The following ANKRD30B variants were observed in gnomAD, a reference collection of about 807,000 sequenced individuals.
The protein encoded by ANKRD30B is ankyrin repeat domain 30B, also known as ankyrin repeat domain-containing protein 30B.
In ANKRD30B, 144 loss-of-function variants were observed where a neutral mutation model predicts 202.2. The observed-to-expected ratio is 0.71, with a 90% CI of 0.62 to 0.82. ANKRD30B has a LOEUF of 0.82. Among genes scored for constraint, ANKRD30B ranks in the 40% least tolerant of loss-of-function variants. The pLI is 0.00. For missense variants in ANKRD30B, 1,487 were observed against 1,669.1 expected, an observed-to-expected ratio of 0.89 and a Z score of 1.90; for synonymous variants, 508 against 561.3, an observed-to-expected ratio of 0.91 and a Z score of 1.34.
the ANKRD30B span, among the ~76,000 whole-genome samples, chr18:14,926,376 C>T: frequency 4.6e-5 from 7 of 152,338 alleles, no homozygotes; most frequent in African/African-American, 1.7e-4. Context: ...TGGCTCCAGC[C>T]TGGGATTTGC....
chr18:14,760,541 T>G lies in ANKRD30B; in HGVS notation c.756-13T>G. The G allele has an allele frequency of 7.4e-7, 1 of 1,354,524 alleles. No individual in the cohort carries two copies. The highest frequency in any genetic ancestry group is 1.0e-6 in the Non-Finnish European group (1 of 989,956). 83.9% of individuals were successfully genotyped at this position (1,354,524 alleles called of 1,614,324 possible). On this transcript the variant is annotated splice_polypyrimidine_tract_variant and intron_variant, in intron 5 of 43. Coordinates refer to ENST00000690538, the MANE Select transcript of ANKRD30B (RefSeq NM_001367607.2). ...TAAAATAGTAATTTTATTTATTACA[T>G]TTTTATACATAGCATTCATCAACAA... is the stretch of plus-strand genomic sequence containing the variant.
chr18:14,899,825 T>C, the ANKRD30B span, among the ~76,000 whole-genome samples: 2 of 152,162 alleles, frequency 1.3e-5, no homozygotes, highest in Admixed American at 1.3e-4. Flanking sequence ...TCATTGTTCT[T>C]TATACTTTCT....
the ANKRD30B span, among the ~76,000 whole-genome samples, chr18:14,906,452 A>C: frequency 2.0e-5 from 3 of 152,206 alleles, no homozygotes; most frequent in African/African-American, 7.2e-5. Context: ...TTATTAAATA[A>C]ATTATGAAAA....
chr18:14,835,016 G>A (rs1262573926), intron 34 of ANKRD30B, among the ~76,000 whole-genome samples: 1 of 151,688 alleles, frequency 6.6e-6, no homozygotes, highest in African/African-American at 2.4e-5. Context: ...CATATTCTTA[G>A]GTTATTTAAC....
the ANKRD30B span, among the ~76,000 whole-genome samples, chr18:14,924,817 A>T: frequency 6.6e-6 from 1 of 152,204 alleles, no homozygotes; most frequent in Admixed American, 6.5e-5. Context: ...GAGGGCTCAG[A>T]CCTTGAAATG....
chr18:14,861,036 C>A, the ANKRD30B span, among the ~76,000 whole-genome samples: 14 of 152,128 alleles, frequency 9.2e-5, no homozygotes, highest in African/African-American at 3.4e-4. Flanking sequence ...GACTGAGCTT[C>A]ATAAAGAAAG....
the ANKRD30B span, among the ~76,000 whole-genome samples, chr18:14,859,919 C>T: frequency 2.5e-5 from 3 of 118,138 alleles, no homozygotes; most frequent in Non-Finnish European, 5.3e-5. Flanking sequence ...TCCTCACCTA[C>T]CAGATGATGG....
chr18:14,780,028 T>A lies in ANKRD30B; in HGVS notation c.1482+7T>A, dbSNP rs778049502. ...ATATTCTTGGGATTCTGGGGTATTG[T>A]GTATTATTGCTGTTATTATTCTCTA... is the stretch of plus-strand genomic sequence containing the variant. On this transcript the variant is annotated splice_region_variant and intron_variant, in intron 11 of 43. Coordinates refer to ENST00000690538, the MANE Select transcript of ANKRD30B (RefSeq NM_001367607.2). The A allele has an allele frequency of 1.3e-6, 2 of 1,597,404 alleles. No individual in the cohort carries two copies. Among genetic ancestry groups the A allele is most frequent in the Admixed American group, 1.7e-5 (1 of 59,304 alleles).
chr18:14,779,924 T>C (rs1967613301), intron 10 of ANKRD30B, 36 bp from the exon 11 acceptor site: 3 of 1,385,576 alleles, frequency 2.2e-6, no homozygotes, highest in Non-Finnish European at 3.0e-6. Context: ...TAATAAGGAA[T>C]GCTCTCATGA....
In ANKRD30B at chr18:14,764,474, A is replaced by G. The variant is rs1431960951; in HGVS notation, c.1225+384A>G. On this transcript the variant is annotated intron_variant, in intron 7 of 43. Transcript: ENST00000690538. The stretch of plus-strand genomic sequence containing the variant: ...GCGCGAGCGATCTCGGCTCACTGCA[A>G]CCTGCGTCTCCTGGGTTCATGCAAT... Among the ~76,000 whole-genome samples the G allele has an allele frequency of 2.6e-5, 4 of 152,204 alleles. No homozygotes were observed. In the South Asian group the frequency reaches 8.3e-4, roughly 32 times the overall value.
chr18:14,916,895 G>T, the ANKRD30B span, among the ~76,000 whole-genome samples: 1 of 152,166 alleles, frequency 6.6e-6, no homozygotes, highest in East Asian at 1.9e-4. Context: ...AGGCTCAGAG[G>T]AGCCAGTGAC....
intron 10 of ANKRD30B, among the ~76,000 whole-genome samples, chr18:14,779,080 G>T (rs1967560431): frequency 6.6e-6 from 1 of 152,336 alleles, no homozygotes; most frequent in Middle Eastern, 3.4e-3. Context: ...AAGAGGGATT[G>T]TGAGGCAGGA....
At chr18:14,885,269 G>A in the ANKRD30B span, among the ~76,000 whole-genome samples, 79,095 of 151,828 alleles carry the variant, frequency 0.52, 20,769 homozygotes, top group African/African-American at 0.54. Context: ...GATTATGGGA[G>A]GCAAAGACTT....
At chr18:14,851,407 C>T (rs1162133214) in intron 41 of ANKRD30B, 102 bp from the exon 42 acceptor site, 2 of 1,238,924 alleles carry the variant, frequency 1.6e-6, no homozygotes, top group Non-Finnish European at 2.2e-6. Flanking sequence ...CTTATAAAAA[C>T]CCTTTCATTG....
rs1969825766 is a variant in ANKRD30B at position 14,810,115 on chromosome 18, G to C, written c.2423G>C (p.Cys808Ser). 1 of 1,494,550 alleles carries C rather than the reference G, an allele frequency of 6.7e-7. No homozygotes were observed. Among genetic ancestry groups the C allele is most frequent in the African/African-American group, 1.4e-5 (1 of 70,824 alleles). The allele number at this position is 1,494,550 out of a possible 1,614,324, so 92.6% of individuals were successfully genotyped here. The change falls in exon 28 of 44, where the codon TGT becomes TCT. Residue 808 changes from cysteine to serine, a missense_variant. Coordinates refer to ENST00000690538, the MANE Select transcript of ANKRD30B (RefSeq NM_001367607.2). ...PDKDGLLKPT[C>S]VRKVSLPNKA... ...GTTTCCAAACCCATTTAGCCTACCTGTGTAAGGAAAGTTTCTCTTCCAAAT... is the reference window on the plus strand; with the variant it reads ...GTTTCCAAACCCATTTAGCCTACCTCTGTAAGGAAAGTTTCTCTTCCAAAT...
chr18:14,815,317 C>T (rs1311561160), intron 30 of ANKRD30B, among the ~76,000 whole-genome samples: 1 of 143,998 alleles, frequency 6.9e-6, no homozygotes, highest in Non-Finnish European at 1.5e-5. Flanking sequence ...ATATACACTC[C>T]GTATAGACCG....
At chr18:14,862,997 T>A in the ANKRD30B span, among the ~76,000 whole-genome samples, 1 of 152,336 alleles carries the variant, frequency 6.6e-6, no homozygotes, top group East Asian at 1.9e-4. Flanking sequence ...TGTACTGCAT[T>A]GAATATTGGA....
At chr18:14,768,748 C>G (rs930671397) in intron 7 of ANKRD30B, among the ~76,000 whole-genome samples, 1 of 152,164 alleles carries the variant, frequency 6.6e-6, no homozygotes, top group African/African-American at 2.4e-5. Context: ...ACTGTGTACT[C>G]TGCTCTAACT....
chr18:14,869,350 T>C, the ANKRD30B span, among the ~76,000 whole-genome samples: 1 of 151,560 alleles, frequency 6.6e-6, no homozygotes, highest in Non-Finnish European at 1.5e-5. Context: ...GGAGGGTTCC[T>C]AATCTAAAAG....
Sources: gnomAD v4.1 joint callset for allele counts (sites outside exome capture counted in the v4.1 genomes callset) on GRCh38, gnomAD v4.1.1 for gene constraint, MANE v1.5 for transcripts, NCBI Gene and HGNC (gene_info 2026-07-23, HGNC 2026-07-21) for gene names.